The following TLL2 variants were observed in gnomAD, a reference collection of about 807,000 sequenced individuals.
TLL2 encodes tolloid like 2.
In TLL2, 106 loss-of-function variants were observed where a neutral mutation model predicts 123.0. That is an observed-to-expected ratio of 0.86 (90% CI 0.74 to 1.01). The LOEUF is 1.01. Ranked by LOEUF, TLL2 falls within the 50% of genes least tolerant of loss-of-function variation. The probability of loss-of-function intolerance (pLI) is 0.00; values close to 1 mark genes in which losing one functional copy is unlikely to be tolerated. For synonymous variants in TLL2, 494 were observed against 516.8 expected, an observed-to-expected ratio of 0.96 and a Z score of 0.60; for missense variants, 1,332 against 1,336.7, an observed-to-expected ratio of 1.00 and a Z score of 0.06.
chr10:96,435,365 G>A (rs560087360), intron 3 of TLL2, among the ~76,000 whole-genome samples: 1 of 152,160 alleles, frequency 6.6e-6, no homozygotes, highest in East Asian at 1.9e-4. Context: ...CTAAATACCA[G>A]GCTCTTGTCA....
intron 3 of TLL2, among the ~76,000 whole-genome samples, chr10:96,438,698 T>C (rs1251145069): frequency 2.6e-5 from 4 of 152,236 alleles, no homozygotes. Context: ...CTATGCTGAA[T>C]GACAGTACGA....
intron 9 of TLL2, among the ~76,000 whole-genome samples, chr10:96,408,543 C>T (rs1846471634): frequency 6.6e-6 from 1 of 152,180 alleles, no homozygotes; most frequent in African/African-American, 2.4e-5. Flanking sequence ...TTAGAAATTA[C>T]CAGACCTCTT....
chr10:96,415,095 G>A (rs1029328855), intron 7 of TLL2, among the ~76,000 whole-genome samples: 2 of 152,130 alleles, frequency 1.3e-5, no homozygotes, highest in South Asian at 2.1e-4. Context: ...TGCTTAGAAC[G>A]CTTCACCAAC....
chr10:96,403,604 C>T (rs574266404), intron 10 of TLL2, among the ~76,000 whole-genome samples: 6 of 152,242 alleles, frequency 3.9e-5, no homozygotes, highest in Admixed American at 1.3e-4. Context: ...CCCTTGAAAG[C>T]GGGGTATTGT....
At chr10:96,510,249 A>G (rs540690023) in intron 1 of TLL2, among the ~76,000 whole-genome samples, 49 of 152,318 alleles carry the variant, frequency 3.2e-4, no homozygotes, top group African/African-American at 1.1e-3. Flanking sequence ...CTTGTGATTT[A>G]CTGCCAGTTG....
At chr10:96,445,681 A>G (rs1404577671) in intron 3 of TLL2, among the ~76,000 whole-genome samples, 1 of 152,178 alleles carries the variant, frequency 6.6e-6, no homozygotes, top group Non-Finnish European at 1.5e-5. Context: ...ACAAGGCAGA[A>G]AAGTCCAGCC....
At chr10:96,441,136 A>G (rs999559133) in intron 3 of TLL2, among the ~76,000 whole-genome samples, 1 of 152,196 alleles carries the variant, frequency 6.6e-6, no homozygotes, top group African/African-American at 2.4e-5. Flanking sequence ...TTCTATTTCC[A>G]GCTGAAGGCA....
chr10:96,470,697 G>C (rs117157247), intron 2 of TLL2, among the ~76,000 whole-genome samples: 2 of 152,188 alleles, frequency 1.3e-5, no homozygotes, highest in South Asian at 2.1e-4. Context: ...TCAAAGACTA[G>C]AGTCCTAATC....
chr10:96,499,017 C>T (rs1758488466), intron 1 of TLL2, among the ~76,000 whole-genome samples: 1 of 152,238 alleles, frequency 6.6e-6, no homozygotes, highest in South Asian at 2.1e-4. Flanking sequence ...CCTTCTTTGT[C>T]TTGCTTTGTG....
At chr10:96,476,223 T>C (rs938611718) in intron 2 of TLL2, among the ~76,000 whole-genome samples, 8 of 9,104 alleles carry the variant, frequency 8.8e-4, no homozygotes, top group African/African-American at 1.1e-3. Flanking sequence ...ATTTTATATG[T>C]ATATATATAT....
intron 16 of TLL2, among the ~76,000 whole-genome samples, chr10:96,380,428 CT>C (rs1433850676): frequency 6.6e-6 from 1 of 152,096 alleles, no homozygotes; most frequent in Non-Finnish European, 1.5e-5. Flanking sequence ...AAGAAAGACC[CT>C]TTGCTTTGGG....
In TLL2 at chr10:96,366,957, G is replaced by A. The variant is rs1846034886; in HGVS notation, c.*1131C>T. On this transcript the variant is annotated 3_prime_UTR_variant, in exon 21 of 21. Transcript: ENST00000357947. The stretch of plus-strand genomic sequence containing the variant: ...TACACTTCTCTAGAACAAGTGCCAA[G>A]TGTTATGAATTCTGTTTGCAAGTTG... The A allele has an allele frequency of 6.6e-6, 1 of 152,628 alleles. No individual in the cohort carries two copies. 9.5% of individuals were successfully genotyped at this position (152,628 alleles called of 1,614,324 possible). A position where few individuals can be genotyped will look rare whatever the true frequency, so the allele number is the denominator to read the frequency against.
chr10:96,417,134 G>A (rs1846570620), intron 7 of TLL2, among the ~76,000 whole-genome samples: 1 of 152,184 alleles, frequency 6.6e-6, no homozygotes, highest in African/African-American at 2.4e-5. Flanking sequence ...CACCTCCCCA[G>A]ATCAGCATAT....
chr10:96,508,879 A>G (rs1847600298), intron 1 of TLL2, among the ~76,000 whole-genome samples: 1 of 152,058 alleles, frequency 6.6e-6, no homozygotes, highest in South Asian at 2.1e-4. Context: ...TGATATTGAC[A>G]TGCCTCCCAC....
rs1847091776 is a variant in TLL2 at position 96,462,569 on chromosome 10, A to G, written c.287-16401T>C. Among the ~76,000 whole-genome samples, 2 of 152,202 alleles carry G rather than the reference A, an allele frequency of 1.3e-5. 1 individual carries two copies. The highest frequency in any genetic ancestry group is 4.1e-4 in the South Asian group (2 of 4,834). Reference sequence around the variant, plus strand: ...TAAAGTACAGTACTGTCTACTATATACTGCACAACATGTAGTGCTCTATAC... The same window carrying G: ...TAAAGTACAGTACTGTCTACTATATGCTGCACAACATGTAGTGCTCTATAC... On this transcript the variant is annotated intron_variant, in intron 2 of 20. Coordinates refer to ENST00000357947, the MANE Select transcript of TLL2 (RefSeq NM_012465.4).
At chr10:96,410,125 G>A (rs1359371042) in intron 9 of TLL2, among the ~76,000 whole-genome samples, 1 of 152,200 alleles carries the variant, frequency 6.6e-6, no homozygotes, top group Non-Finnish European at 1.5e-5. Flanking sequence ...AAGGAACTGT[G>A]AGCTTGATTT....
chr10:96,500,205 C>T (rs1207342233), intron 1 of TLL2, among the ~76,000 whole-genome samples: 1 of 150,382 alleles, frequency 6.6e-6, no homozygotes, highest in East Asian at 1.9e-4. Context: ...ATAGTCCCAG[C>T]TACTCAGTAG....
chr10:96,390,607 T>G (rs1846277841), intron 13 of TLL2, among the ~76,000 whole-genome samples: 1 of 152,276 alleles, frequency 6.6e-6, no homozygotes, highest in South Asian at 2.1e-4. Flanking sequence ...CAAGAGCTTC[T>G]TTGGCTTGCT....
At chr10:96,492,710 ACCTTCTTTACCGCAGGACTTCCCAGAC>A (rs1847426538) in intron 1 of TLL2, among the ~76,000 whole-genome samples, 1 of 152,188 alleles carries the variant, frequency 6.6e-6, no homozygotes, top group African/African-American at 2.4e-5. Context: ...CTGTTAAACC[ACCTTCTTTACCGCAGGACTTCCCAGAC>A]CCTTTACAAT....
Sources: allele counts gnomAD v4.1 joint callset (sites outside exome capture counted in the v4.1 genomes callset), GRCh38; gene constraint gnomAD v4.1.1; transcripts MANE v1.5; gene names NCBI Gene and HGNC (gene_info 2026-07-23, HGNC 2026-07-21).